The following DMRT1 variants were observed in gnomAD, a reference collection of about 807,000 sequenced individuals.
DMRT1 encodes doublesex and mab-3 related transcription factor 1.
DMRT1 carries 7 observed loss-of-function variants against 32.3 expected under a neutral mutation model. The ratio of observed to expected loss-of-function variants is 0.22; its 90% CI spans 0.12 to 0.41. The LOEUF is 0.41. Ranked by LOEUF, DMRT1 falls within the 10% of genes least tolerant of loss-of-function variation. The probability of loss-of-function intolerance (pLI) is 1.00; values close to 1 mark genes in which losing one functional copy is unlikely to be tolerated. For missense variants in DMRT1, 625 were observed against 500.5 expected (o/e 1.25, Z -2.37); for synonymous variants, 278 against 206.1 (o/e 1.35, Z -2.99).
chr9:929,768 C>T (rs1818647416), intron 4 of DMRT1, among the ~76,000 whole-genome samples: 1 of 152,126 alleles, frequency 6.6e-6, no homozygotes, highest in South Asian at 2.1e-4. Flanking sequence ...GTCAGTTCCT[C>T]AATATCTCTT....
intron 2 of DMRT1, among the ~76,000 whole-genome samples, chr9:893,161 C>T (rs572976255): frequency 3.3e-5 from 5 of 152,276 alleles, no homozygotes; most frequent in Non-Finnish European, 5.9e-5. Flanking sequence ...TTCAGGCACC[C>T]GGACTGGCTC....
chr9:917,842 C>A (rs1326968984), intron 4 of DMRT1, among the ~76,000 whole-genome samples: 1 of 152,162 alleles, frequency 6.6e-6, no homozygotes, highest in Non-Finnish European at 1.5e-5. Context: ...TAAAGGACTT[C>A]TATTAATATG....
At chr9:845,074 G>T (rs1838849668) in intron 1 of DMRT1, among the ~76,000 whole-genome samples, 1 of 152,110 alleles carries the variant, frequency 6.6e-6, no homozygotes. Flanking sequence ...GCTTATATTT[G>T]GGCAGCTCTG....
At position 841,809 on chromosome 9, in the gene DMRT1, C is replaced by T. The variant is rs1427927183; in HGVS notation, c.-30C>T. ...GCAGTCTCCAGGCGAGAGAGGGGGC[C>T]AGAGTGCTCGCACTTCTCCTAGGGG... On this transcript the variant is annotated 5_prime_UTR_variant, in exon 1 of 5. Transcript: ENST00000382276. 3.1e-6 allele frequency: 5 copies of T among 1,590,386 alleles called. 1 individual carries two copies. The South Asian group carries it at 3.4e-5, about 11-fold the overall frequency.
At chr9:842,269 C>G (rs1461137711) in intron 1 of DMRT1, 77 bp downstream of exon 1, 4 of 1,471,170 alleles carry the variant, frequency 2.7e-6, no homozygotes, top group East Asian at 2.5e-5. Flanking sequence ...GAGTCTCGCT[C>G]GGTTGCCCAG....
At chr9:952,771 T>TG (rs1177406535) in intron 4 of DMRT1, among the ~76,000 whole-genome samples, 1 of 152,200 alleles carries the variant, frequency 6.6e-6, no homozygotes, top group African/African-American at 2.4e-5. Flanking sequence ...ACTTGGAATG[T>TG]GGGATCAGGG....
rs184849894 is a variant in DMRT1, at chr9:893,833, G to C, written c.539-79G>C. ...TCAGCTACCTTGCTCCGCAGGTCTT[G>C]GGTAGGAAGGTTTAGAAGTAAAGTT... On this transcript the variant is annotated intron_variant, in intron 2 of 4. Coordinates refer to ENST00000382276, the MANE Select transcript of DMRT1 (RefSeq NM_021951.3). 7.4e-4 allele frequency: 1,019 copies of C among 1,379,606 alleles called. 16 individuals are homozygous for C. The South Asian group carries it at 8.4e-3, about 11-fold the overall frequency. The allele number at this position is 1,379,606 out of a possible 1,614,324, so 85.5% of individuals were successfully genotyped here.
chr9:844,684 A>G (rs1047409819), intron 1 of DMRT1, among the ~76,000 whole-genome samples: 3 of 151,386 alleles, frequency 2.0e-5, no homozygotes, highest in African/African-American at 2.4e-5. Context: ...TCCTAAAACA[A>G]CATATAAATT....
At chr9:909,851 C>T (rs1260818241) in intron 3 of DMRT1, among the ~76,000 whole-genome samples, 2 of 152,056 alleles carry the variant, frequency 1.3e-5, no homozygotes, top group African/African-American at 2.4e-5. Flanking sequence ...TAGCTGGGAA[C>T]ACAGGTGTGC....
chr9:905,928 C>G (rs1038304039), intron 3 of DMRT1, among the ~76,000 whole-genome samples: 13 of 152,030 alleles, frequency 8.6e-5, no homozygotes, highest in African/African-American at 3.1e-4. Flanking sequence ...CTCTGCTTTC[C>G]TTGCAGGGCA....
At chr9:921,612 A>G (rs1326364249) in intron 4 of DMRT1, among the ~76,000 whole-genome samples, 1 of 152,200 alleles carries the variant, frequency 6.6e-6, no homozygotes, top group African/African-American at 2.4e-5. Flanking sequence ...TTACCATAGT[A>G]TATGAGGGTT....
intron 3 of DMRT1, among the ~76,000 whole-genome samples, chr9:908,582 A>T (rs2129722705): frequency 6.6e-6 from 1 of 151,544 alleles, no homozygotes; most frequent in Middle Eastern, 3.4e-3. Context: ...TTTCCATGTG[A>T]GTTGTTTGTT....
At position 841,835 on chromosome 9, in the gene DMRT1, C is replaced by T. The variant is rs776699711; in HGVS notation, c.-4C>T. 14 of 1,609,116 alleles carry T rather than the reference C, an allele frequency of 8.7e-6. No individual in the cohort carries two copies. The highest frequency in any genetic ancestry group is 8.5e-6 in the Non-Finnish European group (10 of 1,178,210). Reference sequence around the variant, plus strand: ...AGAGTGCTCGCACTTCTCCTAGGGGCACCATGCCCAACGACGAGGCATTCA... The same window carrying T: ...AGAGTGCTCGCACTTCTCCTAGGGGTACCATGCCCAACGACGAGGCATTCA... On this transcript the variant is annotated 5_prime_UTR_variant, in exon 1 of 5. Transcript: ENST00000382276.
At chr9:954,212 C>A (rs542729439) in intron 4 of DMRT1, among the ~76,000 whole-genome samples, 1 of 152,126 alleles carries the variant, frequency 6.6e-6, no homozygotes, top group South Asian at 2.1e-4. Flanking sequence ...GGAGCTTGGA[C>A]CTTTGCAGAA....
chr9:958,555 CAG>C (rs942032548), intron 4 of DMRT1, among the ~76,000 whole-genome samples: 28 of 152,224 alleles, frequency 1.8e-4, no homozygotes, highest in Admixed American at 9.8e-4. Flanking sequence ...TTAGTAGAGA[CAG>C]GGTTTCACCA....
At chr9:948,781 C>T (rs951398343) in intron 4 of DMRT1, among the ~76,000 whole-genome samples, 1 of 151,870 alleles carries the variant, frequency 6.6e-6, no homozygotes, top group Non-Finnish European at 1.5e-5. Context: ...AACAGGCTGG[C>T]GCGGTAGCTT....
chr9:866,790 TTGATGAGGG>T (rs1816011971), intron 2 of DMRT1, among the ~76,000 whole-genome samples: 1 of 152,174 alleles, frequency 6.6e-6, no homozygotes, highest in Non-Finnish European at 1.5e-5. Flanking sequence ...AGTCATCCAC[TTGATGAGGG>T]TGGTGTTCAT....
chr9:919,081 A>T (rs1030267014), intron 4 of DMRT1, among the ~76,000 whole-genome samples: 4 of 152,150 alleles, frequency 2.6e-5, no homozygotes, highest in African/African-American at 9.7e-5. Flanking sequence ...CAGTATATTC[A>T]TTTGTGAGAT....
intron 4 of DMRT1, among the ~76,000 whole-genome samples, chr9:920,638 C>T (rs1818323163): frequency 6.6e-6 from 1 of 152,150 alleles, no homozygotes; most frequent in Non-Finnish European, 1.5e-5. Flanking sequence ...GGGACGTCAA[C>T]CCGTGGGGAA....
Sources: gnomAD v4.1 joint callset for allele counts (sites outside exome capture counted in the v4.1 genomes callset) on GRCh38, gnomAD v4.1.1 for gene constraint, MANE v1.5 for transcripts, NCBI Gene and HGNC (gene_info 2026-07-23, HGNC 2026-07-21) for gene names.